CGNL1: variants seen among roughly 807,000 people sequenced by gnomAD.
CGNL1 encodes cingulin like 1.
CGNL1 carries 132 observed loss-of-function variants against 141.2 expected under a neutral mutation model. The observed-to-expected ratio is 0.93, with a 90% CI of 0.81 to 1.08. The LOEUF (loss-of-function observed/expected upper bound fraction) is 1.08. Ranked by LOEUF, CGNL1 falls within the 50% of genes least tolerant of loss-of-function variation. CGNL1 has a pLI of 0.00. For missense variants in CGNL1, 1,870 were observed against 1,588.6 expected (o/e 1.18, Z -3.01); for synonymous variants, 690 against 622.1 (o/e 1.11, Z -1.63).
Position 57,547,600 on chromosome 15 carries a change from T to TTTAGTAAGA in CGNL1, c.*110_*111insTTAGTAAGA. The TTTAGTAAGA allele has an allele frequency of 8.0e-7, 1 of 1,242,292 alleles. No homozygotes were observed. The highest frequency in any genetic ancestry group is 1.1e-6 in the Non-Finnish European group (1 of 887,398). 77.0% of individuals were successfully genotyped at this position (1,242,292 alleles called of 1,614,324 possible). A position where few individuals can be genotyped will look rare whatever the true frequency, so the allele number is the denominator to read the frequency against. ...TCTGCCACTGAGACCAATCACAGCC[T>TTTAGTAAGA]CTTTGCACAGCATGCCAGCTCCTCA... On this transcript the variant is annotated 3_prime_UTR_variant, in exon 19 of 19. Transcript: ENST00000281282.
At chr15:57,544,928 G>C (rs952231745) in intron 16 of CGNL1, among the ~76,000 whole-genome samples, 4 of 152,202 alleles carry the variant, frequency 2.6e-5, no homozygotes, top group African/African-American at 9.6e-5. Flanking sequence ...AAGCTACAGA[G>C]TTTGAGCCAC....
At chr15:57,502,596 T>G (rs1595772074) in intron 8 of CGNL1, among the ~76,000 whole-genome samples, 1 of 152,312 alleles carries the variant, frequency 6.6e-6, no homozygotes, top group South Asian at 2.1e-4. Context: ...GAAATAACCT[T>G]TATCTGCCAT....
intron 7 of CGNL1, among the ~76,000 whole-genome samples, chr15:57,459,031 C>T (rs916066256): frequency 1.3e-5 from 2 of 152,178 alleles, no homozygotes; most frequent in Non-Finnish European, 2.9e-5. Context: ...GTCGGTTATA[C>T]TTAAATCAAT....
intron 1 of CGNL1, among the ~76,000 whole-genome samples, chr15:57,390,769 G>T (rs1003803978): frequency 2.6e-5 from 4 of 152,112 alleles, no homozygotes; most frequent in East Asian, 1.9e-4. Flanking sequence ...CTTTCACTGC[G>T]ATGGGGCTCG....
At position 57,516,763 on chromosome 15, in the gene CGNL1, C is replaced by G. The variant is rs1424615671; in HGVS notation, c.2404-17C>G. ...TGACATCAGTCTCCTTGTTCATTTG[C>G]TTTGTGTTTTTAACAGAATGTCGAG... On this transcript the variant is annotated splice_polypyrimidine_tract_variant and intron_variant, in intron 8 of 18. Transcript: ENST00000281282. 9 of 1,612,586 alleles carry G rather than the reference C, an allele frequency of 5.6e-6. No individual in the cohort carries two copies. The highest frequency in any genetic ancestry group is 1.7e-5 in the Admixed American group (1 of 59,978).
chr15:57,483,476 T>TTTC (rs1273764188), intron 8 of CGNL1, among the ~76,000 whole-genome samples: 1 of 151,276 alleles, frequency 6.6e-6, no homozygotes, highest in Non-Finnish European at 1.5e-5. Context: ...TTCTTTTTTT[T>TTTC]TTTTTTTTTG....
intron 8 of CGNL1, among the ~76,000 whole-genome samples, chr15:57,505,140 C>T (rs1281346078): frequency 1.3e-5 from 2 of 152,082 alleles, no homozygotes; most frequent in African/African-American, 4.8e-5. Context: ...AAAAAGTCAC[C>T]ACACCTCCTT....
Position 57,547,787 on chromosome 15 carries a change from A to C in CGNL1, c.*297A>C. 2.9e-6 allele frequency: 1 copy of C among 339,996 alleles called. No homozygotes were observed. Among genetic ancestry groups the C allele is most frequent in the Non-Finnish European group, 5.3e-6 (1 of 186,974 alleles). 21.1% of individuals were successfully genotyped at this position (339,996 alleles called of 1,614,324 possible). A position where few individuals can be genotyped will look rare whatever the true frequency, so the allele number is the denominator to read the frequency against. ...CCCCTGTTCCACAGCCACTATTTGC[A>C]TTGCTGTCCCTGCCCCCTCATCACT... is the stretch of plus-strand genomic sequence containing the variant. On this transcript the variant is annotated 3_prime_UTR_variant, in exon 19 of 19. Coordinates refer to ENST00000281282, the MANE Select transcript of CGNL1 (RefSeq NM_032866.5).
In CGNL1 at chr15:57,549,607, G is replaced by A. The variant is rs1317858246; in HGVS notation, c.*2117G>A. The A allele has an allele frequency of 6.6e-6, 1 of 152,122 alleles. No homozygotes were observed. The highest frequency in any genetic ancestry group is 2.1e-4 in the South Asian group (1 of 4,822). The allele number at this position is 152,122 out of a possible 1,614,324, so 9.4% of individuals were successfully genotyped here. A position where few individuals can be genotyped will look rare whatever the true frequency, so the allele number is the denominator to read the frequency against. ...CTCCCTTTAGTCATTCATTCATTTA[G>A]CACATATTTATTGGGCATCGGTGAT... On this transcript the variant is annotated 3_prime_UTR_variant, in exon 19 of 19. Transcript: ENST00000281282.
At chr15:57,524,093 A>G (rs1447065792) in intron 11 of CGNL1, among the ~76,000 whole-genome samples, 1 of 152,190 alleles carries the variant, frequency 6.6e-6, no homozygotes, top group Non-Finnish European at 1.5e-5. Context: ...GGCTTTCTGT[A>G]TTCTGGGAGT....
chr15:57,521,904 G>T (rs183511530), intron 10 of CGNL1, among the ~76,000 whole-genome samples: 1 of 152,204 alleles, frequency 6.6e-6, no homozygotes, highest in East Asian at 1.9e-4. Flanking sequence ...GAAGCCATTG[G>T]GGGCCCTCTG....
At chr15:57,443,407 C>G (rs962743206) in intron 4 of CGNL1, among the ~76,000 whole-genome samples, 1 of 152,206 alleles carries the variant, frequency 6.6e-6, no homozygotes, top group African/African-American at 2.4e-5. Context: ...TCTTGCTTGT[C>G]CATCTTCCTT....
chr15:57,492,634 C>T (rs192677712), intron 8 of CGNL1, among the ~76,000 whole-genome samples: 1 of 150,838 alleles, frequency 6.6e-6, no homozygotes, highest in East Asian at 1.9e-4. Flanking sequence ...GAGATGTAGT[C>T]CTGAGACTTC....
In CGNL1 at chr15:57,439,928, G is replaced by T. The variant is rs533325387; in HGVS notation, c.1602+327G>T. On this transcript the variant is annotated intron_variant, in intron 2 of 18. Transcript: ENST00000281282. ...TATGCAGAATTTGTTTCTACACAGA[G>T]GCTGAATAGTTAGGTTTGTGTAGGT... Among the ~76,000 whole-genome samples, 5 of 152,250 alleles carry T rather than the reference G, an allele frequency of 3.3e-5. No individual in the cohort carries two copies. In the South Asian group the frequency reaches 1.0e-3, roughly 32 times the overall value.
intron 1 of CGNL1, among the ~76,000 whole-genome samples, chr15:57,400,108 C>G (rs540714724): frequency 4.0e-5 from 6 of 151,724 alleles, no homozygotes; most frequent in Admixed American, 3.9e-4. Flanking sequence ...ATCTTCCTAC[C>G]TAAGCCTCTC....
intron 4 of CGNL1, among the ~76,000 whole-genome samples, chr15:57,442,771 A>G (rs1330217916): frequency 1.3e-5 from 2 of 152,006 alleles, no homozygotes; most frequent in Non-Finnish European, 2.9e-5. Flanking sequence ...GGCATGTGCC[A>G]CCACACCCGG....
At chr15:57,522,514 C>T (rs2031332463) in intron 10 of CGNL1, among the ~76,000 whole-genome samples, 1 of 152,170 alleles carries the variant, frequency 6.6e-6, no homozygotes, top group Admixed American at 6.5e-5. Flanking sequence ...TGTAGTGGCC[C>T]AGTCAGCCCT....
chr15:57,450,657 G>T (rs1350265431), intron 4 of CGNL1, among the ~76,000 whole-genome samples: 2 of 152,198 alleles, frequency 1.3e-5, no homozygotes, highest in Non-Finnish European at 2.9e-5. Context: ...TGGAAATGGA[G>T]TCATGGAGAA....
chr15:57,437,292 TAAG>T (rs2152303958), intron 1 of CGNL1, among the ~76,000 whole-genome samples: 1 of 152,272 alleles, frequency 6.6e-6, no homozygotes, highest in South Asian at 2.1e-4. Context: ...ACTTTTTTGC[TAAG>T]AAGAAAAGAT....
Sources: allele counts gnomAD v4.1 joint callset (sites outside exome capture counted in the v4.1 genomes callset), GRCh38; gene constraint gnomAD v4.1.1; transcripts MANE v1.5; gene names NCBI Gene and HGNC (gene_info 2026-07-23, HGNC 2026-07-21).